Variants in ZNF385B observed in about 807,000 individuals in gnomAD.
ZNF385B encodes zinc finger protein 385B.
ZNF385B carries 23 observed loss-of-function variants against 39.2 expected under a neutral mutation model. That is an observed-to-expected ratio of 0.59 (90% CI 0.42 to 0.83). The LOEUF is 0.83. Ranked by LOEUF, ZNF385B falls within the 40% of genes least tolerant of loss-of-function variation. The pLI is 0.00. For missense variants in ZNF385B, 552 were observed against 598.9 expected (o/e 0.92, Z 0.82); for synonymous variants, 205 against 222.6 (o/e 0.92, Z 0.70).
At chr2:179,855,249 A>G (rs1412998122) in intron 1 of ZNF385B, among the ~76,000 whole-genome samples, 1 of 152,264 alleles carries the variant, frequency 6.6e-6, no homozygotes, top group East Asian at 1.9e-4. Flanking sequence ...TTTTGCCTGC[A>G]TAGCACAGGA....
rs775995742 is a variant in ZNF385B at position 179,769,486 on chromosome 2, G to C, written c.298+17C>G. ...TCTCTCCCCGCAGCACATGGAACCC[G>C]GGACCCTGCCTCCTACCTGTGCTGC... On this transcript the variant is annotated intron_variant, in intron 3 of 9. Transcript: ENST00000410066. The C allele has an allele frequency of 9.9e-6, 16 of 1,611,968 alleles. No individual in the cohort carries two copies. The highest frequency in any genetic ancestry group is 6.7e-5 in the East Asian group (3 of 44,876).
At chr2:179,626,239 C>T (rs2106175819) in intron 3 of ZNF385B, among the ~76,000 whole-genome samples, 1 of 152,186 alleles carries the variant, frequency 6.6e-6, no homozygotes, top group Non-Finnish European at 1.5e-5. Context: ...TTAGGAGCCA[C>T]TGAATTTATG....
chr2:179,692,999 G>A (rs1045259649), intron 3 of ZNF385B, among the ~76,000 whole-genome samples: 1 of 152,170 alleles, frequency 6.6e-6, no homozygotes, highest in Non-Finnish European at 1.5e-5. Flanking sequence ...TCTATCTCCT[G>A]GAAGTTTGTT....
chr2:179,707,587 T>A (rs905947212), intron 3 of ZNF385B, among the ~76,000 whole-genome samples: 1 of 152,194 alleles, frequency 6.6e-6, no homozygotes, highest in Non-Finnish European at 1.5e-5. Context: ...ACTATCTTAG[T>A]TGGCACCCAA....
intron 1 of ZNF385B, among the ~76,000 whole-genome samples, chr2:179,853,069 T>C (rs1684309922): frequency 6.6e-6 from 1 of 152,238 alleles, no homozygotes; most frequent in South Asian, 2.1e-4. Context: ...TTAAGCTCTT[T>C]GGTAATCCTC....
At chr2:179,667,934 T>C (rs979323673) in intron 3 of ZNF385B, among the ~76,000 whole-genome samples, 9 of 152,190 alleles carry the variant, frequency 5.9e-5, no homozygotes, top group African/African-American at 1.9e-4. Flanking sequence ...AAAACAGACC[T>C]CCTCCTCCTT....
chr2:179,745,995 G>A, intron 3 of ZNF385B: 1 of 1,174,470 alleles, frequency 8.5e-7, no homozygotes, highest in Non-Finnish European at 1.1e-6. Flanking sequence ...AAAGAAAGCA[G>A]AGCAATTTCA....
intron 5 of ZNF385B, among the ~76,000 whole-genome samples, chr2:179,511,003 A>G (rs971068228): frequency 6.6e-6 from 1 of 152,210 alleles, no homozygotes; most frequent in Non-Finnish European, 1.5e-5. Flanking sequence ...GTACCCTTGC[A>G]GCTGTGTGCC....
At chr2:179,803,688 T>C (rs1179366133) in intron 1 of ZNF385B, among the ~76,000 whole-genome samples, 1 of 152,088 alleles carries the variant, frequency 6.6e-6, no homozygotes, top group Non-Finnish European at 1.5e-5. Context: ...ATCAGTAGCA[T>C]TTACTGAGTG....
At chr2:179,580,869 C>T (rs148952831) in intron 3 of ZNF385B, among the ~76,000 whole-genome samples, 54 of 152,298 alleles carry the variant, frequency 3.5e-4, no homozygotes, top group African/African-American at 1.1e-3. Context: ...TGAACTCTGT[C>T]GAGCTGCCAG....
At chr2:179,766,786 G>A (rs1553528049) in intron 3 of ZNF385B, among the ~76,000 whole-genome samples, 1 of 152,044 alleles carries the variant, frequency 6.6e-6, no homozygotes, top group South Asian at 2.1e-4. Context: ...TTTTTTGTGT[G>A]TGTGTGAAGA....
In ZNF385B at chr2:179,544,973, C is replaced by A. The variant is rs558404658; in HGVS notation, c.299-4G>T. On this transcript the variant is annotated splice_region_variant and splice_polypyrimidine_tract_variant and intron_variant, in intron 3 of 9. Transcript: ENST00000410066. The stretch of plus-strand genomic sequence containing the variant: ...GTAGTAGTGTGGCATGTACTGCCTG[C>A]CAAGAACAAAACAAAAATGAATTCA... 35 of 1,613,698 alleles carry A rather than the reference C, an allele frequency of 2.2e-5. No individual in the cohort carries two copies. The South Asian group carries it at 3.7e-4, about 17-fold the overall frequency.
intron 3 of ZNF385B, among the ~76,000 whole-genome samples, chr2:179,676,112 G>A (rs1159478323): frequency 3.4e-5 from 5 of 146,844 alleles, no homozygotes; most frequent in Non-Finnish European, 6.0e-5. Flanking sequence ...TCTTTGAGAC[G>A]GAGTTTCGCT....
intron 3 of ZNF385B, chr2:179,745,879 G>A: frequency 7.9e-7 from 1 of 1,266,186 alleles, no homozygotes. Context: ...TTATATCAGT[G>A]CCGCTCCAAG....
Position 179,673,455 on chromosome 2 carries a change from T to A in ZNF385B, c.298+96048A>T, listed in dbSNP as rs564513633. Among the ~76,000 whole-genome samples, 27 of 152,310 alleles carry A rather than the reference T, an allele frequency of 1.8e-4. No homozygotes were observed. The South Asian group carries it at 5.6e-3, about 32-fold the overall frequency. ...GAAGAATTATGGATAGTAGACCCCATAATGATCATTAAGAGATTAAATAAC... is the reference window on the plus strand; with the variant it reads ...GAAGAATTATGGATAGTAGACCCCAAAATGATCATTAAGAGATTAAATAAC... On this transcript the variant is annotated intron_variant, in intron 3 of 9. Transcript: ENST00000410066.
At chr2:179,560,996 C>A (rs2061298829) in intron 3 of ZNF385B, among the ~76,000 whole-genome samples, 1 of 152,110 alleles carries the variant, frequency 6.6e-6, no homozygotes, top group African/African-American at 2.4e-5. Flanking sequence ...AGGACAGGGA[C>A]AAGTTAGAAA....
chr2:179,572,588 A>G (rs1048419607), intron 3 of ZNF385B, among the ~76,000 whole-genome samples: 10 of 152,184 alleles, frequency 6.6e-5, no homozygotes, highest in African/African-American at 1.7e-4. Context: ...ATGACAACTG[A>G]TTGGAGACAG....
At chr2:179,515,447 G>T (rs1219971049) in intron 5 of ZNF385B, among the ~76,000 whole-genome samples, 2 of 152,176 alleles carry the variant, frequency 1.3e-5, no homozygotes, top group Non-Finnish European at 2.9e-5. Context: ...TAAAGATGCA[G>T]CATGTCTTTA....
chr2:179,686,656 C>T (rs1379977392), intron 3 of ZNF385B, among the ~76,000 whole-genome samples: 1 of 152,028 alleles, frequency 6.6e-6, no homozygotes, highest in Non-Finnish European at 1.5e-5. Flanking sequence ...TTCCATGATC[C>T]CAAAAGCATG....
Sources: allele counts gnomAD v4.1 joint callset (sites outside exome capture counted in the v4.1 genomes callset), GRCh38; gene constraint gnomAD v4.1.1; transcripts MANE v1.5; gene names NCBI Gene and HGNC (gene_info 2026-07-23, HGNC 2026-07-21).